The following CNNM2 variants were observed in gnomAD, a reference collection of about 807,000 sequenced individuals.
The protein encoded by CNNM2 is cyclin and CBS domain divalent metal cation transport mediator 2.
A neutral mutation model predicts 66.9 loss-of-function variants in CNNM2; 12 were observed. That is an observed-to-expected ratio of 0.18 (90% CI 0.11 to 0.29). The LOEUF is 0.29. CNNM2 is among the 10% of genes least tolerant of loss of function. CNNM2 has a pLI of 1.00. For synonymous variants in CNNM2, 557 were observed against 501.8 expected, an observed-to-expected ratio of 1.11 and a Z score of -1.47; for missense variants, 705 against 1,167.7, an observed-to-expected ratio of 0.60 and a Z score of 5.77.
Position 103,090,178 on chromosome 10 carries a change from C to T in CNNM2, c.*12998C>T. On this transcript the variant is annotated 3_prime_UTR_variant, in exon 8 of 8. Transcript: ENST00000369878. ...TTTACTTTCTATTTTACAGCAAAAA[C>T]AAGATAGTCCTGAAACAGATCAGAA... is the stretch of plus-strand genomic sequence containing the variant. 1 of 403,608 alleles carries T rather than the reference C, an allele frequency of 2.5e-6. No individual in the cohort carries two copies. Among genetic ancestry groups the T allele is most frequent in the Non-Finnish European group, 4.4e-6 (1 of 227,342 alleles). The allele number at this position is 403,608 out of a possible 1,614,324, so 25.0% of individuals were successfully genotyped here. A position where few individuals can be genotyped will look rare whatever the true frequency, so the allele number is the denominator to read the frequency against.
At chr10:102,928,934 C>T (rs556838612) in intron 1 of CNNM2, among the ~76,000 whole-genome samples, 2 of 152,124 alleles carry the variant, frequency 1.3e-5, no homozygotes, top group South Asian at 4.1e-4. Context: ...TAGCGTGTGT[C>T]CTTATAATTA....
intron 1 of CNNM2, among the ~76,000 whole-genome samples, chr10:103,042,868 A>G (rs373590421): frequency 6.6e-6 from 1 of 152,198 alleles, no homozygotes; most frequent in Admixed American, 6.5e-5. Flanking sequence ...TGTTAGTGAC[A>G]TGGGACCTAA....
At chr10:102,939,145 T>C (rs950590834) in intron 1 of CNNM2, among the ~76,000 whole-genome samples, 2 of 152,202 alleles carry the variant, frequency 1.3e-5, no homozygotes, top group Admixed American at 1.3e-4. Context: ...GTAGGATCTT[T>C]CCTGTATTCA....
intron 1 of CNNM2, among the ~76,000 whole-genome samples, chr10:102,945,730 AC>A (rs1423454053): frequency 6.6e-6 from 1 of 151,712 alleles, no homozygotes; most frequent in Non-Finnish European, 1.5e-5. Context: ...GCCTTTACCT[AC>A]CTGCAGGCTA....
At chr10:102,977,395 T>G (rs1289823663) in intron 1 of CNNM2, among the ~76,000 whole-genome samples, 1 of 152,230 alleles carries the variant, frequency 6.6e-6, no homozygotes, top group East Asian at 1.9e-4. Context: ...TTTGGAGTAT[T>G]TCAGATTTTG....
intron 1 of CNNM2, among the ~76,000 whole-genome samples, chr10:103,044,849 A>C (rs561423064): frequency 2.0e-5 from 3 of 152,348 alleles, no homozygotes; most frequent in South Asian, 4.1e-4. Context: ...CAGTGTAAGA[A>C]GCCTAATTCA....
intron 1 of CNNM2, among the ~76,000 whole-genome samples, chr10:103,042,457 C>T (rs1034881578): frequency 6.6e-6 from 1 of 152,198 alleles, no homozygotes; most frequent in South Asian, 2.1e-4. Flanking sequence ...ACCCAACATG[C>T]CTTTTCACTT....
chr10:102,965,947 T>G (rs1306607997), intron 1 of CNNM2, among the ~76,000 whole-genome samples: 1 of 152,168 alleles, frequency 6.6e-6, no homozygotes, highest in African/African-American at 2.4e-5. Context: ...AATAGGGTCT[T>G]TGTCACAGCT....
At chr10:103,008,794 A>AC (rs977415892) in intron 1 of CNNM2, among the ~76,000 whole-genome samples, 3 of 151,494 alleles carry the variant, frequency 2.0e-5, no homozygotes, top group African/African-American at 7.3e-5. Flanking sequence ...AAAAAAAAAA[A>AC]AAAACCCAAA....
At chr10:102,991,312 G>C (rs1013260006) in intron 1 of CNNM2, among the ~76,000 whole-genome samples, 4 of 152,114 alleles carry the variant, frequency 2.6e-5, no homozygotes, top group Non-Finnish European at 5.9e-5. Context: ...TTGAAATGGT[G>C]TGCCCCTTCT....
chr10:103,065,797 G>A (rs958884423), intron 4 of CNNM2, among the ~76,000 whole-genome samples: 3 of 152,228 alleles, frequency 2.0e-5, no homozygotes, highest in Admixed American at 6.5e-5. Context: ...ATACATGTCA[G>A]TTCAGGAAGA....
At chr10:103,005,929 A>G (rs943901904) in intron 1 of CNNM2, among the ~76,000 whole-genome samples, 2 of 151,990 alleles carry the variant, frequency 1.3e-5, no homozygotes, top group Non-Finnish European at 2.9e-5. Context: ...GGGTTTTACC[A>G]TATTGCCCAG....
chr10:103,065,661 T>C (rs995949859), intron 4 of CNNM2, among the ~76,000 whole-genome samples: 8 of 152,118 alleles, frequency 5.3e-5, no homozygotes, highest in African/African-American at 1.4e-4. Flanking sequence ...GGAACGGAAG[T>C]CACCATGAGG....
At chr10:102,962,170 G>A (rs143447108) in intron 1 of CNNM2, among the ~76,000 whole-genome samples, 1 of 152,108 alleles carries the variant, frequency 6.6e-6, no homozygotes, top group Non-Finnish European at 1.5e-5. Context: ...CCTGTCCCGG[G>A]GGGTGGTGGG....
At chr10:103,008,334 G>A (rs1443299086) in intron 1 of CNNM2, among the ~76,000 whole-genome samples, 1 of 152,142 alleles carries the variant, frequency 6.6e-6, no homozygotes, top group Admixed American at 6.5e-5. Context: ...CAAAACAGTG[G>A]CAAAGCTTTA....
At chr10:103,060,116 G>A (rs907049142) in intron 4 of CNNM2, among the ~76,000 whole-genome samples, 5 of 152,018 alleles carry the variant, frequency 3.3e-5, no homozygotes, top group African/African-American at 7.2e-5. Context: ...CAGCCTGGGC[G>A]ACAGAGTGAG....
At chr10:102,953,357 A>C (rs1221138043) in intron 1 of CNNM2, among the ~76,000 whole-genome samples, 1 of 151,952 alleles carries the variant, frequency 6.6e-6, no homozygotes, top group East Asian at 1.9e-4. Flanking sequence ...CCTGGGTTCA[A>C]GCAGTTCTCC....
At chr10:102,999,659 C>A (rs1250930480) in intron 1 of CNNM2, among the ~76,000 whole-genome samples, 3 of 152,032 alleles carry the variant, frequency 2.0e-5, no homozygotes, top group Non-Finnish European at 4.4e-5. Flanking sequence ...TCCCCCCCCA[C>A]CTCTCCGCAC....
In CNNM2 at chr10:103,007,922, G is replaced by A. The variant is rs374873023; in HGVS notation, c.1622-41785G>A. 4.8e-4 allele frequency among the ~76,000 whole-genome samples: 73 copies of A among 152,306 alleles called. 1 individual carries two copies. The highest frequency in any genetic ancestry group is 3.1e-3 in the East Asian group (16 of 5,190). On this transcript the variant is annotated intron_variant, in intron 1 of 7. Transcript: ENST00000369878. ...TAATTTGGGGAACTGATATATGTCC[G>A]TATTAAAATGAAATCTTCACAATTT...
Sources: allele counts gnomAD v4.1 joint callset (sites outside exome capture counted in the v4.1 genomes callset), GRCh38; gene constraint gnomAD v4.1.1; transcripts MANE v1.5; gene names NCBI Gene and HGNC (gene_info 2026-07-23, HGNC 2026-07-21).